MYO9A: variants seen among roughly 807,000 people sequenced by gnomAD.
The protein encoded by MYO9A is unconventional myosin-IXa.
MYO9A carries 103 observed loss-of-function variants against 293.3 expected under a neutral mutation model. That is an observed-to-expected ratio of 0.35 (90% CI 0.30 to 0.41). The LOEUF (loss-of-function observed/expected upper bound fraction) is 0.41. Ranked by LOEUF, MYO9A falls within the 10% of genes least tolerant of loss-of-function variation. The pLI is 1.00. For synonymous variants in MYO9A, 1,001 were observed against 1,035.7 expected, an observed-to-expected ratio of 0.97 and a Z score of 0.64; for missense variants, 2,685 against 3,033.0, an observed-to-expected ratio of 0.89 and a Z score of 2.69.
At chr15:72,066,938 T>C (rs1488641877) in intron 1 of MYO9A, among the ~76,000 whole-genome samples, 1 of 151,376 alleles carries the variant, frequency 6.6e-6, no homozygotes, top group Non-Finnish European at 1.5e-5. Context: ...AAAAAAGAAA[T>C]AAAAGAGATT....
intron 1 of MYO9A, among the ~76,000 whole-genome samples, chr15:72,076,613 T>C (rs1412390298): frequency 6.6e-6 from 1 of 152,152 alleles, no homozygotes; most frequent in Non-Finnish European, 1.5e-5. Flanking sequence ...TCAATGAATG[T>C]AGATATACCA....
At chr15:72,035,351 T>C (rs2078010986) in intron 2 of MYO9A, among the ~76,000 whole-genome samples, 1 of 147,732 alleles carries the variant, frequency 6.8e-6, no homozygotes, top group Admixed American at 6.9e-5. Context: ...TTTTTGACAG[T>C]CAAAGCTTGA....
intron 11 of MYO9A, among the ~76,000 whole-genome samples, chr15:71,981,428 GT>G (rs2076268098): frequency 6.6e-6 from 1 of 152,134 alleles, no homozygotes; most frequent in African/African-American, 2.4e-5. Flanking sequence ...TCAGGGAAAG[GT>G]TTTAAATTAC....
intron 1 of MYO9A, among the ~76,000 whole-genome samples, chr15:72,069,556 A>G (rs1470710025): frequency 6.6e-6 from 1 of 152,216 alleles, no homozygotes; most frequent in Admixed American, 6.5e-5. Context: ...AGATCTCTAG[A>G]TAAGAGATTC....
chr15:71,958,988 A>G (rs1246077246), intron 14 of MYO9A: 1 of 152,234 alleles, frequency 6.6e-6, no homozygotes, highest in Non-Finnish European at 1.5e-5. Context: ...GATGCTAATC[A>G]ATTTTGAGTG....
In MYO9A at chr15:71,848,950, A is replaced by C; in HGVS notation, c.6732T>G (p.Val2244=). 6.2e-7 allele frequency: 1 copy of C among 1,604,728 alleles called. No individual in the cohort carries two copies. Among genetic ancestry groups the C allele is most frequent in the Non-Finnish European group, 8.5e-7 (1 of 1,177,746 alleles). Residue 2244 remains valine (V), a synonymous_variant, in exon 39 of 42, where the codon GTT becomes GTG. Coordinates refer to ENST00000356056, the MANE Select transcript of MYO9A (RefSeq NM_006901.4). ...SKTTTCVELI[V]VEQMNKYKAR... ...CCTTGTATTTATTCATTTGTTCCAC[A>C]ACAATCAGTTCCACACAACTGAAAC... is the stretch of plus-strand genomic sequence containing the variant.
intron 39 of MYO9A, among the ~76,000 whole-genome samples, chr15:71,839,422 C>CTTTT (rs1265174285): frequency 1.3e-5 from 2 of 151,344 alleles, no homozygotes; most frequent in Non-Finnish European, 2.9e-5. Context: ...TTCTTTCTTT[C>CTTTT]TTTAAAGATA....
At chr15:72,116,384 T>C (rs146417942) in intron 1 of MYO9A, among the ~76,000 whole-genome samples, 3 of 152,322 alleles carry the variant, frequency 2.0e-5, no homozygotes, top group African/African-American at 4.8e-5. Context: ...CAACATTACA[T>C]TTCTTTCTTG....
intron 31 of MYO9A, among the ~76,000 whole-genome samples, chr15:71,877,307 G>C (rs936185469): frequency 6.6e-6 from 1 of 152,076 alleles, no homozygotes; most frequent in African/African-American, 2.4e-5. Flanking sequence ...AAATAAAAAG[G>C]TTATTATTAT....
intron 16 of MYO9A, among the ~76,000 whole-genome samples, chr15:71,936,769 C>G (rs897421191): frequency 5.3e-5 from 8 of 151,616 alleles, no homozygotes; most frequent in Non-Finnish European, 1.0e-4. Context: ...CATTTAGAAA[C>G]GCTTGTATTT....
rs372821352 is a variant in MYO9A at position 71,848,831 on chromosome 15, G to A, written c.6837+14C>T. ...AACTCCCATTTTTCCACTATTCCAT[G>A]TGTTGCATCTTACCATTGATCTACG... is the stretch of plus-strand genomic sequence containing the variant. On this transcript the variant is annotated intron_variant, in intron 39 of 41. Coordinates refer to ENST00000356056, the MANE Select transcript of MYO9A (RefSeq NM_006901.4). 44 of 1,598,482 alleles carry A rather than the reference G, an allele frequency of 2.8e-5. No individual in the cohort carries two copies. In the African/African-American group the frequency reaches 5.8e-4, roughly 21 times the overall value.
Position 71,990,624 on chromosome 15 carries a change from C to T in MYO9A, c.1722+479G>A, listed in dbSNP as rs952480199. ...CAAAAAAATTAGCCGGGCATGGTGG[C>T]GGGCACCTGTAGTCCCAGCTACTCG... On this transcript the variant is annotated intron_variant, in intron 11 of 41. Coordinates refer to ENST00000356056, the MANE Select transcript of MYO9A (RefSeq NM_006901.4). Among the ~76,000 whole-genome samples, 28 of 151,848 alleles carry T rather than the reference C, an allele frequency of 1.8e-4. 1 individual carries two copies. The highest frequency in any genetic ancestry group is 3.9e-4 in the Admixed American group (6 of 15,248).
In MYO9A at chr15:71,834,518, T is replaced by G. The variant is rs115687952; in HGVS notation, c.6838-4207A>C. 5.9e-3 allele frequency among the ~76,000 whole-genome samples: 900 copies of G among 152,104 alleles called. 7 individuals carry two copies. Among genetic ancestry groups the G allele is most frequent in the African/African-American group, 0.02 (836 of 41,498 alleles). On this transcript the variant is annotated intron_variant, in intron 39 of 41. Transcript: ENST00000356056. ...CAGGTGCAGTAGTGCATGCCCACAA[T>G]CCCAGAACTTTGGGAGGCTGAGGCA...
At chr15:72,026,275 GAA>G (rs35491673) in intron 4 of MYO9A, among the ~76,000 whole-genome samples, 74 of 63,480 alleles carry the variant, frequency 1.2e-3, no homozygotes, top group African/African-American at 4.2e-3. Context: ...TCCGTCTCAA[GAA>G]AAAAAAAAAA....
intron 8 of MYO9A, among the ~76,000 whole-genome samples, chr15:72,002,685 T>C (rs754346188): frequency 3.9e-5 from 6 of 152,276 alleles, no homozygotes; most frequent in African/African-American, 1.4e-4. Flanking sequence ...TATAAAAACA[T>C]CTATCTATAC....
intron 1 of MYO9A, among the ~76,000 whole-genome samples, chr15:72,074,951 C>CTTTTTTTTTTTTTTTTT (rs750462703): frequency 7.5e-5 from 4 of 53,110 alleles, no homozygotes; most frequent in African/African-American, 7.3e-5. Flanking sequence ...TTTTCACTGC[C>CTTTTTTTTTTTTTTTTT]TTTTTTTTTT....
chr15:71,834,682 C>T (rs937092559), intron 39 of MYO9A, among the ~76,000 whole-genome samples: 6 of 151,770 alleles, frequency 4.0e-5, no homozygotes, highest in Admixed American at 2.0e-4. Context: ...AGCACTGAGG[C>T]GGGAGCCCAG....
chr15:72,088,646 A>G (rs1160526773), intron 1 of MYO9A, among the ~76,000 whole-genome samples: 2 of 152,232 alleles, frequency 1.3e-5, no homozygotes. Context: ...GACATTAGGC[A>G]TTTAGAACCA....
In MYO9A at chr15:71,923,305, T is replaced by C. The variant is rs568030945; in HGVS notation, c.2563-6813A>G. Reference sequence around the variant, plus strand: ...TTTGTTGAGGATTTATGCATCCATGTTCAATCAGAGACACTGTCCTACAAT... The same window carrying C: ...TTTGTTGAGGATTTATGCATCCATGCTCAATCAGAGACACTGTCCTACAAT... On this transcript the variant is annotated intron_variant, in intron 18 of 41. Coordinates refer to ENST00000356056, the MANE Select transcript of MYO9A (RefSeq NM_006901.4). Among the ~76,000 whole-genome samples the C allele has an allele frequency of 2.0e-5, 3 of 152,334 alleles. No individual in the cohort carries two copies. The South Asian group carries it at 6.2e-4, about 32-fold the overall frequency.
Sources: gnomAD v4.1 joint callset for allele counts (sites outside exome capture counted in the v4.1 genomes callset) on GRCh38, gnomAD v4.1.1 for gene constraint, MANE v1.5 for transcripts, NCBI Gene and HGNC (gene_info 2026-07-23, HGNC 2026-07-21) for gene names.